The following BRINP1 variants were observed in gnomAD, a reference collection of about 807,000 sequenced individuals.
BRINP1 encodes the protein BMP/retinoic acid-inducible neural-specific protein 1.
In BRINP1, 17 loss-of-function variants were observed where a neutral mutation model predicts 72.9. That is an observed-to-expected ratio of 0.23 (90% CI 0.16 to 0.35). The LOEUF is 0.35. Ranked by LOEUF, BRINP1 falls within the 10% of genes least tolerant of loss-of-function variation. The pLI, the probability that BRINP1 is intolerant of heterozygous loss-of-function variation, is 1.00. For synonymous variants in BRINP1, 418 were observed against 378.5 expected (o/e 1.10, Z -1.21); for missense variants, 850 against 1,001.6 (o/e 0.85, Z 2.04).
rs766334960 is a variant in BRINP1, at chr9:119,168,076, C to T, written c.1294G>A (p.Gly432Arg). ...CTGCACATGGCGCAGCTGTTGTTCC[C>T]GCCTATCACGCAGGGGATGGGGCGC... The part of the protein sequence containing the change: ...CQRPIPCVIG[G>R]NNSCAMCSLA... Residue 432 changes from glycine to arginine, a missense_variant, in exon 8 of 8, where the codon GGG becomes AGG. Coordinates refer to ENST00000265922, the MANE Select transcript of BRINP1 (RefSeq NM_014618.3). The T allele has an allele frequency of 2.2e-5, 36 of 1,610,048 alleles. No homozygotes were observed. The highest frequency in any genetic ancestry group is 2.2e-4 in the Admixed American group (13 of 59,590).
intron 1 of BRINP1, among the ~76,000 whole-genome samples, chr9:119,363,398 G>A (rs563396728): frequency 1.5e-4 from 23 of 152,184 alleles, no homozygotes; most frequent in African/African-American, 5.3e-4. Context: ...CACCAAGCCT[G>A]GCCAACTCCA....
At chr9:119,230,549 G>T (rs550590866) in intron 5 of BRINP1, among the ~76,000 whole-genome samples, 2 of 152,052 alleles carry the variant, frequency 1.3e-5, no homozygotes, top group South Asian at 4.2e-4. Flanking sequence ...GCTTGGCATT[G>T]AGAGATGGGC....
intron 6 of BRINP1, among the ~76,000 whole-genome samples, chr9:119,209,655 T>C (rs1588164939): frequency 6.6e-6 from 1 of 152,246 alleles, no homozygotes; most frequent in South Asian, 2.1e-4. Flanking sequence ...ATGGTAGCTA[T>C]AAAAATAAAT....
chr9:119,192,129 G>T (rs1455904633), intron 7 of BRINP1, among the ~76,000 whole-genome samples: 1 of 151,884 alleles, frequency 6.6e-6, no homozygotes, highest in Non-Finnish European at 1.5e-5. Context: ...CTCATTGGAA[G>T]ATCTGAAACC....
At chr9:119,211,567 T>C in intron 6 of BRINP1, among the ~76,000 whole-genome samples, 1 of 152,122 alleles carries the variant, frequency 6.6e-6, no homozygotes, top group East Asian at 1.9e-4. Flanking sequence ...GCCATTTATG[T>C]ATAGAAACTA....
intron 2 of BRINP1, among the ~76,000 whole-genome samples, chr9:119,299,527 C>G (rs1302233773): frequency 6.6e-6 from 1 of 151,346 alleles, no homozygotes; most frequent in Non-Finnish European, 1.5e-5. Flanking sequence ...GCAGGAGAAT[C>G]ACTTGAACCT....
intron 1 of BRINP1, among the ~76,000 whole-genome samples, chr9:119,350,597 C>T (rs1045738204): frequency 6.6e-6 from 1 of 152,020 alleles, no homozygotes; most frequent in Non-Finnish European, 1.5e-5. Context: ...TATCTCTCCA[C>T]ATGTATTAAG....
rs1237097683 is a variant in BRINP1 at position 119,338,259 on chromosome 9, C to A, written c.-50-24854G>T. ...TTGTTTTTGTTTCTTTTTTTTTTTG[C>A]CTCTGCAATTAGATTGGGCTTTTTT... is the stretch of plus-strand genomic sequence containing the variant. On this transcript the variant is annotated intron_variant, in intron 1 of 7. Coordinates refer to ENST00000265922, the MANE Select transcript of BRINP1 (RefSeq NM_014618.3). Among the ~76,000 whole-genome samples, 9 of 140,970 alleles carry A rather than the reference C, an allele frequency of 6.4e-5. No homozygotes were observed. In the East Asian group the frequency reaches 1.7e-3, roughly 26 times the overall value. The allele number at this position is 140,970 out of a possible 152,430, so 92.5% of individuals were successfully genotyped here.
chr9:119,358,481 G>A (rs10818301), intron 1 of BRINP1, among the ~76,000 whole-genome samples: 38,067 of 151,620 alleles, frequency 0.25, 6,023 homozygotes, highest in Non-Finnish European at 0.36. Flanking sequence ...ATCACCTGAG[G>A]TCAGGAGTTC....
chr9:119,198,799 G>A (rs1829773525), intron 7 of BRINP1, among the ~76,000 whole-genome samples: 1 of 151,788 alleles, frequency 6.6e-6, no homozygotes, highest in Non-Finnish European at 1.5e-5. Context: ...AGCCTCCCGA[G>A]TAGCTGGGAT....
chr9:119,189,541 C>T (rs931993250), intron 7 of BRINP1, among the ~76,000 whole-genome samples: 3 of 152,016 alleles, frequency 2.0e-5, no homozygotes, highest in African/African-American at 7.2e-5. Flanking sequence ...ATAAAATAGA[C>T]TTCAAGTCAA....
At chr9:119,219,211 T>G (rs919046045) in intron 5 of BRINP1, among the ~76,000 whole-genome samples, 3 of 152,166 alleles carry the variant, frequency 2.0e-5, no homozygotes, top group Admixed American at 2.0e-4. Flanking sequence ...CAAGACACTG[T>G]CATAATTAAG....
intron 7 of BRINP1, among the ~76,000 whole-genome samples, chr9:119,168,817 A>G (rs1829355032): frequency 6.6e-6 from 1 of 152,198 alleles, no homozygotes. Flanking sequence ...CATGTTAGAA[A>G]GGGGTTATTT....
rs1187532502 is a variant in BRINP1, at chr9:119,188,929, T to TATCA, written c.1145+19786_1145+19789dup. 6.6e-5 allele frequency among the ~76,000 whole-genome samples: 10 copies of TATCA among 152,306 alleles called. 1 individual carries two copies. The South Asian group carries it at 1.9e-3, about 28-fold the overall frequency. On this transcript the variant is annotated intron_variant, in intron 7 of 7. Coordinates refer to ENST00000265922, the MANE Select transcript of BRINP1 (RefSeq NM_014618.3). ...TGACTATAATAGTGATATATAAATC[T>TATCA]ATCAAATCTCTAGTATGAAAGTTAA...
At chr9:119,221,864 G>A (rs751383549) in intron 5 of BRINP1, among the ~76,000 whole-genome samples, 2 of 152,156 alleles carry the variant, frequency 1.3e-5, no homozygotes, top group African/African-American at 2.4e-5. Context: ...CACTGGAAGT[G>A]TGGAAGCAGA....
intron 2 of BRINP1, among the ~76,000 whole-genome samples, chr9:119,302,006 T>C (rs1048138069): frequency 1.3e-5 from 2 of 152,186 alleles, no homozygotes; most frequent in Admixed American, 1.3e-4. Context: ...GCAAAACTCC[T>C]AGAAATCCCT....
chr9:119,289,995 C>A (rs1010699879), intron 2 of BRINP1, among the ~76,000 whole-genome samples: 4 of 152,164 alleles, frequency 2.6e-5, no homozygotes, highest in African/African-American at 9.7e-5. Flanking sequence ...CTGCAGTGAT[C>A]CTTCAATAAT....
At chr9:119,257,890 C>T (rs889967410) in intron 2 of BRINP1, among the ~76,000 whole-genome samples, 1 of 152,070 alleles carries the variant, frequency 6.6e-6, no homozygotes, top group African/African-American at 2.4e-5. Flanking sequence ...GCCTTCATGT[C>T]CCATAACACA....
chr9:119,328,848 G>A (rs1282677705), intron 1 of BRINP1, among the ~76,000 whole-genome samples: 1 of 152,106 alleles, frequency 6.6e-6, no homozygotes, highest in African/African-American at 2.4e-5. Context: ...GTTCAAACAA[G>A]GATGTGCCAG....
Sources: allele counts gnomAD v4.1 joint callset (sites outside exome capture counted in the v4.1 genomes callset), GRCh38; gene constraint gnomAD v4.1.1; transcripts MANE v1.5; gene names NCBI Gene and HGNC (gene_info 2026-07-23, HGNC 2026-07-21).